RGS5: variants seen among roughly 807,000 people sequenced by gnomAD.
RGS5 encodes the protein regulator of G protein signaling 5.
Under a neutral mutation model 18.9 loss-of-function variants are expected in RGS5, and 20 were observed. The ratio of observed to expected loss-of-function variants is 1.06; its 90% CI spans 0.74 to 1.54. The LOEUF (loss-of-function observed/expected upper bound fraction) is 1.54, where lower values mean the gene tolerates loss of function less well. Among genes scored for constraint, RGS5 ranks in the 40% most tolerant of loss-of-function variants. RGS5 has a pLI of 0.00. For synonymous variants in RGS5, 57 were observed against 76.2 expected, an observed-to-expected ratio of 0.75 and a Z score of 1.31; for missense variants, 201 against 211.8, an observed-to-expected ratio of 0.95 and a Z score of 0.32.
chr1:163,301,195 G>A (rs935627620), intron 2 of RGS5, among the ~76,000 whole-genome samples: 10 of 152,178 alleles, frequency 6.6e-5, no homozygotes, highest in Admixed American at 1.3e-4. Context: ...TTGGATAACT[G>A]TTCCTCTAGG....
At chr1:163,240,748 C>T (rs1647770116) in intron 2 of RGS5, among the ~76,000 whole-genome samples, 1 of 152,194 alleles carries the variant, frequency 6.6e-6, no homozygotes, top group Admixed American at 6.5e-5. Flanking sequence ...AACTTCTGGA[C>T]TCAAGTGATC....
chr1:163,263,587 G>C (rs1354868148), intron 2 of RGS5, among the ~76,000 whole-genome samples: 1 of 151,968 alleles, frequency 6.6e-6, no homozygotes, highest in Non-Finnish European at 1.5e-5. Flanking sequence ...AACTCCAGTG[G>C]CAAAAATTAT....
In RGS5 at chr1:163,241,014, A is replaced by T. The variant is rs191802981; in HGVS notation, c.-281+65219T>A. On this transcript the variant is annotated intron_variant, in intron 2 of 5. Coordinates refer to the RGS5 transcript ENST00000618415. ...CTTTGCCTGAAACACTCTTGCCAAG[A>T]TCTCTTCATGGCTTGCTTCCTTGCT... 2.2e-3 allele frequency among the ~76,000 whole-genome samples: 334 copies of T among 152,260 alleles called. 1 individual carries two copies. Among genetic ancestry groups the T allele is most frequent in the Non-Finnish European group, 3.9e-3 (263 of 68,010 alleles).
chr1:163,201,202 A>C (rs543944149), intron 1 of RGS5, among the ~76,000 whole-genome samples: 1 of 152,302 alleles, frequency 6.6e-6, no homozygotes, highest in South Asian at 2.1e-4. Context: ...ATTAAAGTCA[A>C]GTTGCAATTC....
At chr1:163,264,453 C>G (rs1352307051) in intron 2 of RGS5, among the ~76,000 whole-genome samples, 6 of 152,088 alleles carry the variant, frequency 3.9e-5, no homozygotes, top group African/African-American at 1.2e-4. Flanking sequence ...TGAATAAAAG[C>G]TCTTTTGTTC....
At chr1:163,293,946 GCA>G in intron 2 of RGS5, among the ~76,000 whole-genome samples, 1 of 152,174 alleles carries the variant, frequency 6.6e-6, no homozygotes, top group East Asian at 1.9e-4. Flanking sequence ...CACATCCAGG[GCA>G]CAGTGATACA....
At chr1:163,290,975 AAC>A (rs1014779889) in intron 2 of RGS5, among the ~76,000 whole-genome samples, 1 of 152,136 alleles carries the variant, frequency 6.6e-6, no homozygotes, top group African/African-American at 2.4e-5. Flanking sequence ...AAAATAACAG[AAC>A]AGTTTAGTCA....
intron 2 of RGS5, among the ~76,000 whole-genome samples, chr1:163,233,703 G>C (rs185765145): frequency 1.2e-4 from 18 of 152,248 alleles, no homozygotes. Flanking sequence ...TTGCAGGCAG[G>C]GGGTGGATCT....
chr1:163,308,770 A>G (rs1456938799), intron 1 of RGS5: 1 of 152,246 alleles, frequency 6.6e-6, no homozygotes, highest in Non-Finnish European at 1.5e-5. Flanking sequence ...GTACAGGCAT[A>G]CCTCAGAGAT....
intron 2 of RGS5, among the ~76,000 whole-genome samples, chr1:163,246,186 A>G (rs1274923149): frequency 4.0e-5 from 6 of 151,040 alleles, no homozygotes; most frequent in African/African-American, 1.5e-4. Context: ...GCGCCACTGC[A>G]CTCCAGCCTG....
chr1:163,208,856 C>T (rs1407366574), intron 1 of RGS5, among the ~76,000 whole-genome samples: 1 of 152,024 alleles, frequency 6.6e-6, no homozygotes, highest in African/African-American at 2.4e-5. Flanking sequence ...GACTGGCATG[C>T]CTCATTCTTA....
At chr1:163,271,054 T>C (rs555540292) in intron 2 of RGS5, among the ~76,000 whole-genome samples, 6 of 152,278 alleles carry the variant, frequency 3.9e-5, no homozygotes, top group Admixed American at 3.9e-4. Flanking sequence ...ACCATCCAGT[T>C]TTAGGACATT....
chr1:163,150,507 G>T (rs1253795038), intron 4 of RGS5, among the ~76,000 whole-genome samples: 1 of 152,092 alleles, frequency 6.6e-6, no homozygotes, highest in African/African-American at 2.4e-5. Context: ...TAATCTTCTT[G>T]TCAATATATA....
At chr1:163,301,165 T>C (rs1649541000) in intron 2 of RGS5, among the ~76,000 whole-genome samples, 1 of 152,202 alleles carries the variant, frequency 6.6e-6, no homozygotes, top group Non-Finnish European at 1.5e-5. Context: ...ATTTCAGCCT[T>C]TGACAGGGCA....
intron 2 of RGS5, among the ~76,000 whole-genome samples, chr1:163,274,850 G>C (rs2999861): frequency 0.87 from 132,154 of 152,208 alleles, 58,441 homozygotes; most frequent in Non-Finnish European, 0.95. Context: ...TACAAGGTGG[G>C]TCACACTTGT....
intron 1 of RGS5, among the ~76,000 whole-genome samples, chr1:163,192,683 T>C (rs528320626): frequency 1.2e-4 from 19 of 152,310 alleles, no homozygotes; most frequent in Middle Eastern, 3.4e-3. Context: ...TGCACATGCA[T>C]GTGTGTGTTC....
intron 1 of RGS5, among the ~76,000 whole-genome samples, chr1:163,201,344 A>C (rs1390493089): frequency 6.6e-6 from 1 of 152,148 alleles, no homozygotes; most frequent in Non-Finnish European, 1.5e-5. Flanking sequence ...AGAGGAAAGA[A>C]CAGGCTAATA....
At chr1:163,217,101 A>G (rs527664937) in intron 1 of RGS5, among the ~76,000 whole-genome samples, 1 of 152,294 alleles carries the variant, frequency 6.6e-6, no homozygotes, top group East Asian at 1.9e-4. Flanking sequence ...AGGGTGGAAG[A>G]AGAGAGAGAA....
intron 1 of RGS5, among the ~76,000 whole-genome samples, chr1:163,177,993 T>G (rs1332078445): frequency 6.6e-6 from 1 of 152,140 alleles, no homozygotes; most frequent in South Asian, 2.1e-4. Context: ...CTACTGTGTT[T>G]GATGAGTGGC....
Sources: allele counts gnomAD v4.1 joint callset (sites outside exome capture counted in the v4.1 genomes callset), GRCh38; gene constraint gnomAD v4.1.1; transcripts MANE v1.5; gene names NCBI Gene and HGNC (gene_info 2026-07-23, HGNC 2026-07-21).